The following NRG1 variants were observed in gnomAD, a reference collection of about 807,000 sequenced individuals.
The protein encoded by NRG1 is neuregulin 1, also known as pro-neuregulin-1, membrane-bound isoform.
In NRG1, 18 loss-of-function variants were observed where a neutral mutation model predicts 63.8. That is an observed-to-expected ratio of 0.28 (90% CI 0.19 to 0.42). The LOEUF (loss-of-function observed/expected upper bound fraction) is 0.42, where lower values mean the gene tolerates loss of function less well. Ranked by LOEUF, NRG1 falls within the 10% of genes least tolerant of loss-of-function variation. The pLI is 1.00. For synonymous variants in NRG1, 302 were observed against 301.3 expected (o/e 1.00, Z -0.02); for missense variants, 762 against 814.7 (o/e 0.94, Z 0.79).
At chr8:32,680,753 CT>C (rs1369408163) in intron 5 of NRG1, among the ~76,000 whole-genome samples, 2 of 151,924 alleles carry the variant, frequency 1.3e-5, no homozygotes, top group African/African-American at 4.8e-5. Context: ...CTTAAACTTC[CT>C]TATTTGTTTA....
intron 1 of NRG1, among the ~76,000 whole-genome samples, chr8:32,378,521 T>C (rs1809914323): frequency 6.6e-6 from 1 of 152,178 alleles, no homozygotes; most frequent in Admixed American, 6.5e-5. Context: ...TTTTCACCTG[T>C]AAGGAATTTT....
In NRG1 at chr8:32,412,445, TATATATAC is replaced by T. The variant is rs1301898853; in HGVS notation, c.38-183375_38-183368del. Among the ~76,000 whole-genome samples the T allele has an allele frequency of 3.3e-3, 196 of 58,932 alleles. 1 individual carries two copies. The highest frequency in any genetic ancestry group is 9.6e-3 in the African/African-American group (188 of 19,670). The allele number at this position is 58,932 out of a possible 152,430, so 38.7% of individuals were successfully genotyped here. ...CTACATATATATATATATATATATA[TATATATAC>T]ATATATATATATATATATATATGAA... On this transcript the variant is annotated intron_variant, in intron 1 of 10. Transcript: ENST00000519301.
At chr8:32,376,085 A>C (rs1165459454) in intron 1 of NRG1, among the ~76,000 whole-genome samples, 2 of 152,242 alleles carry the variant, frequency 1.3e-5, no homozygotes, top group Non-Finnish European at 2.9e-5. Context: ...TTCTTTTCAA[A>C]GGAACATTTA....
intron 7 of NRG1, among the ~76,000 whole-genome samples, chr8:32,753,739 A>T (rs754178273): frequency 6.6e-6 from 1 of 152,216 alleles, no homozygotes; most frequent in Non-Finnish European, 1.5e-5. Context: ...AATCACAGAG[A>T]GCCTGACTCA....
chr8:32,242,636 C>T (rs1848220580), intron 1 of NRG1, among the ~76,000 whole-genome samples: 1 of 152,044 alleles, frequency 6.6e-6, no homozygotes, highest in South Asian at 2.1e-4. Context: ...TGACAAAAAC[C>T]ACAATTATTT....
intron 1 of NRG1, among the ~76,000 whole-genome samples, chr8:31,776,504 C>T (rs1819153955): frequency 6.6e-6 from 1 of 152,120 alleles, no homozygotes; most frequent in Non-Finnish European, 1.5e-5. Flanking sequence ...TCTTGTCAGG[C>T]CTGTTTGTTA....
chr8:31,774,175 T>C (rs534078170), intron 1 of NRG1, among the ~76,000 whole-genome samples: 24 of 152,226 alleles, frequency 1.6e-4, no homozygotes, highest in Middle Eastern at 3.4e-3. Flanking sequence ...TACTTTTCTT[T>C]GGATCTTCCT....
At chr8:32,505,424 T>C (rs991229804) in intron 1 of NRG1, among the ~76,000 whole-genome samples, 3 of 152,204 alleles carry the variant, frequency 2.0e-5, no homozygotes, top group Non-Finnish European at 2.9e-5. Context: ...CCCAGTTCCA[T>C]CATCTGGTCT....
At chr8:31,688,586 T>A (rs921179988) in intron 1 of NRG1, among the ~76,000 whole-genome samples, 3 of 152,218 alleles carry the variant, frequency 2.0e-5, no homozygotes, top group Non-Finnish European at 2.9e-5. Flanking sequence ...ATGTCCATCA[T>A]GTCATAGACT....
At chr8:32,550,340 G>T (rs2129523938) in intron 1 of NRG1, among the ~76,000 whole-genome samples, 1 of 152,242 alleles carries the variant, frequency 6.6e-6, no homozygotes, top group Non-Finnish European at 1.5e-5. Context: ...TTACCTCCCT[G>T]CGTGACTTTG....
chr8:31,891,721 G>C (rs1402061377), intron 1 of NRG1, among the ~76,000 whole-genome samples: 2 of 152,102 alleles, frequency 1.3e-5, no homozygotes, highest in Non-Finnish European at 2.9e-5. Context: ...ATTTGTAATA[G>C]CTGCAAACTG....
At position 32,407,840 on chromosome 8, in the gene NRG1, C is replaced by T. The variant is rs561174221; in HGVS notation, c.38-187988C>T. 2.6e-5 allele frequency among the ~76,000 whole-genome samples: 4 copies of T among 152,124 alleles called. No individual in the cohort carries two copies. In the South Asian group the frequency reaches 6.2e-4, roughly 24 times the overall value. The stretch of plus-strand genomic sequence containing the variant: ...TAAAATCAAAATATGCCTGTAGCTC[C>T]AAAAAAGAAGAATTTGACTATAGGG... On this transcript the variant is annotated intron_variant, in intron 1 of 10. Transcript: ENST00000519301.
In NRG1 at chr8:32,285,007, C is replaced by T. The variant is rs566081704; in HGVS notation, c.38-310821C>T. Among the ~76,000 whole-genome samples the T allele has an allele frequency of 6.6e-5, 10 of 152,292 alleles. No individual in the cohort carries two copies. The East Asian group carries it at 1.2e-3, about 18-fold the overall frequency. On this transcript the variant is annotated intron_variant, in intron 1 of 10. Coordinates refer to the NRG1 transcript ENST00000519301. ...GCACCTGAAGCACTTCCACAAATAG[C>T]CCATTTGTCCTCCTTGCAATTAAAT...
chr8:32,581,348 T>C (rs1200424948), intron 1 of NRG1, among the ~76,000 whole-genome samples: 1 of 152,230 alleles, frequency 6.6e-6, no homozygotes, highest in Non-Finnish European at 1.5e-5. Context: ...CATGGGCTAA[T>C]ATGATAGAGT....
intron 1 of NRG1, among the ~76,000 whole-genome samples, chr8:32,025,977 C>T (rs1008902603): frequency 2.0e-5 from 3 of 151,220 alleles, no homozygotes; most frequent in Non-Finnish European, 4.4e-5. Flanking sequence ...AAGATATTGC[C>T]ACAGGTCTCA....
At chr8:32,040,075 G>T (rs1819702023) in intron 1 of NRG1, among the ~76,000 whole-genome samples, 1 of 152,078 alleles carries the variant, frequency 6.6e-6, no homozygotes. Context: ...TTCTAGTCAT[G>T]ACTTTATTCC....
chr8:31,976,856 G>A (rs1167049715), intron 1 of NRG1, among the ~76,000 whole-genome samples: 1 of 152,068 alleles, frequency 6.6e-6, no homozygotes. Context: ...AAAATTACTG[G>A]AAATATATAT....
chr8:31,853,073 A>G (rs1467562257), intron 1 of NRG1, among the ~76,000 whole-genome samples: 1 of 152,144 alleles, frequency 6.6e-6, no homozygotes, highest in African/African-American at 2.4e-5. Flanking sequence ...CTTTTGGCTC[A>G]GGATTGACTT....
At chr8:31,711,317 T>C (rs946072601) in intron 1 of NRG1, among the ~76,000 whole-genome samples, 3 of 152,236 alleles carry the variant, frequency 2.0e-5, no homozygotes, top group African/African-American at 7.2e-5. Flanking sequence ...AAAAGCTGTT[T>C]GTTGCCTTTA....
Sources: gnomAD v4.1 joint callset for allele counts (sites outside exome capture counted in the v4.1 genomes callset) on GRCh38, gnomAD v4.1.1 for gene constraint, MANE v1.5 for transcripts, NCBI Gene and HGNC (gene_info 2026-07-23, HGNC 2026-07-21) for gene names.